The following COL7A1 variants were observed in gnomAD, a reference collection of about 807,000 sequenced individuals.
COL7A1 encodes the protein collagen type VII alpha 1 chain, also known as collagen alpha-1(VII) chain.
Under a neutral mutation model 456.2 loss-of-function variants are expected in COL7A1, and 296 were observed. The ratio of observed to expected loss-of-function variants is 0.65; its 90% confidence interval spans 0.59 to 0.71. COL7A1 has a LOEUF of 0.71. Among genes scored for constraint, COL7A1 ranks in the 30% least tolerant of loss-of-function variants. The pLI is 0.00. For synonymous variants in COL7A1, 1,464 were observed against 1,525.9 expected (o/e 0.96, Z 0.95); for missense variants, 3,441 against 4,017.2 (o/e 0.86, Z 3.88).
chr3:48,576,028 C>G, intron 71 of COL7A1, 126 bp from the exon 72 acceptor site: 6 of 1,513,212 alleles, frequency 4.0e-6, no homozygotes, highest in Non-Finnish European at 5.5e-6. Flanking sequence ...CACCCTTTAG[C>G]ACTTGGTTGA....
Position 48,580,307 on chromosome 3 carries a change from C to G in COL7A1, c.5090G>C (p.Gly1697Ala). Residue 1697 changes from glycine to alanine, a missense_variant, in exon 56 of 119, where the codon GGG (glycine) becomes GCG (alanine). Gly to Ala is a moderately conservative substitution (Grantham distance 60, BLOSUM62 0). Coordinates refer to ENST00000681320, the MANE Select transcript of COL7A1 (RefSeq NM_000094.4). This position sits in a 1 kb window ranked among gnomAD's most constrained non-coding sequence, Gnocchi z 4.5. Reference sequence around the variant, plus strand: ...GACACCAGCCCTACTCACCGGCTCCCCACGGTCACCCTTGGGTCCAGATGA... The same window carrying G: ...GACACCAGCCCTACTCACCGGCTCCGCACGGTCACCCTTGGGTCCAGATGA... Reference protein sequence around the residue: ...PGSSGPKGDRGEPGPPGPPGR... With the variant: ...PGSSGPKGDRAEPGPPGPPGR... The G allele has an allele frequency of 6.2e-7, 1 of 1,610,382 alleles. No homozygotes were observed. Among genetic ancestry groups the G allele is most frequent in the Non-Finnish European group, 8.5e-7 (1 of 1,178,328 alleles).
Position 48,574,629 on chromosome 3 carries a change from C to T in COL7A1, c.6393+48G>A, listed in dbSNP as rs754865301. On this transcript the variant is annotated intron_variant, in intron 78 of 118. Coordinates refer to ENST00000681320, the MANE Select transcript of COL7A1 (RefSeq NM_000094.4). This position sits in a 1 kb window ranked among gnomAD's most constrained non-coding sequence, Gnocchi z 5.0. ...GCATATGCACACCACCTCTAGTGTGCCCCCAGAAAGGAGGGGGACTCTATG... is the reference window on the plus strand; with the variant it reads ...GCATATGCACACCACCTCTAGTGTGTCCCCAGAAAGGAGGGGGACTCTATG... The T allele has an allele frequency of 1.2e-6, 2 of 1,613,692 alleles. No homozygotes were observed. The highest frequency in any genetic ancestry group is 1.3e-5 in the African/African-American group (1 of 74,908).
In COL7A1 at chr3:48,591,443, T is replaced by C; in HGVS notation, c.1636+21A>G. 2 of 1,610,980 alleles carry C rather than the reference T, an allele frequency of 1.2e-6. No individual in the cohort carries two copies. Among genetic ancestry groups the C allele is most frequent in the South Asian group, 1.1e-5 (1 of 90,964 alleles). ...GGAACTTCAGTGTGTGTGGTGGGGGTGCTGGCTGCGTCCACCTCACCCTGG... is the reference window on the plus strand; with the variant it reads ...GGAACTTCAGTGTGTGTGGTGGGGGCGCTGGCTGCGTCCACCTCACCCTGG... On this transcript the variant is annotated intron_variant, in intron 13 of 118. Coordinates refer to ENST00000681320, the MANE Select transcript of COL7A1 (RefSeq NM_000094.4). This position sits in a 1 kb window ranked among gnomAD's most constrained non-coding sequence, Gnocchi z 7.0.
At chr3:48,589,034 CAG>C (rs772309603) in intron 18 of COL7A1, 39 bp from the exon 19 acceptor site, 8 of 1,612,678 alleles carry the variant, frequency 5.0e-6, no homozygotes, top group Middle Eastern at 1.7e-4. Context: ...TGGTAGAGAA[CAG>C]AGAGGCAGTG....
chr3:48,571,559 A>G lies in COL7A1; in HGVS notation c.7069-281T>C. The G allele has an allele frequency of 1.5e-6, 1 of 686,952 alleles. No individual in the cohort carries two copies. The highest frequency in any genetic ancestry group is 2.7e-6 in the Non-Finnish European group (1 of 366,174). The allele number at this position is 686,952 out of a possible 1,614,324, so 42.6% of individuals were successfully genotyped here. On this transcript the variant is annotated intron_variant, in intron 92 of 118. Transcript: ENST00000681320. The surrounding 1 kb of genome is among the most constrained non-coding windows in gnomAD (Gnocchi z 4.6). ...CGCGAGTGCAGACATCTGGCTCCAC[A>G]GACGTGAGTGCGGACACACGGGCGC...
rs540516236 is a variant in COL7A1 at position 48,567,785 on chromosome 3, G to A, written c.7930-22C>T. The A allele has an allele frequency of 1.9e-6, 3 of 1,614,172 alleles. No individual in the cohort carries two copies. The highest frequency in any genetic ancestry group is 2.5e-6 in the Non-Finnish European group (3 of 1,180,028). ...CTCCCTGCAGGCATCAGGCAGTGGG[G>A]TGAGCCTTAGGCCCCAGGCCACGTA... is the stretch of plus-strand genomic sequence containing the variant. On this transcript the variant is annotated intron_variant, in intron 107 of 118. Coordinates refer to ENST00000681320, the MANE Select transcript of COL7A1 (RefSeq NM_000094.4). This position sits in a 1 kb window ranked among gnomAD's most constrained non-coding sequence, Gnocchi z 4.3.
chr3:48,568,797 A>C lies in COL7A1; in HGVS notation c.7745T>G (p.Leu2582Arg), dbSNP rs760755454. 1 of 1,570,758 alleles carries C rather than the reference A, an allele frequency of 6.4e-7. No homozygotes were observed. The highest frequency in any genetic ancestry group is 1.2e-5 in the South Asian group (1 of 85,612). The change falls in exon 104 of 119, where the codon CTC becomes CGC. Residue 2582 changes from leucine to arginine, a missense_variant. Coordinates refer to ENST00000681320, the MANE Select transcript of COL7A1 (RefSeq NM_000094.4). This position sits in a 1 kb window ranked among gnomAD's most constrained non-coding sequence, Gnocchi z 5.2. ...GGCAGAACTTGCCTGGGGTCCCAGG[A>C]GTCCACGCAGTCCTGGCAACCCGGC... ...GSAGLPGLRG[L>R]LGPQGQPGAA... is the part of the protein sequence containing the mutation.
At position 48,581,448 on chromosome 3, in the gene COL7A1, T is replaced by TG. The variant is rs2044751948; in HGVS notation, c.4817dup (p.Gly1607ArgfsTer2). 1.9e-6 allele frequency: 3 copies of TG among 1,613,814 alleles called. No homozygotes were observed. Among genetic ancestry groups the TG allele is most frequent in the Non-Finnish European group, 2.5e-6 (3 of 1,179,988 alleles). On this transcript the variant is annotated frameshift_variant and splice_region_variant, in exon 51 of 119. Coordinates refer to ENST00000681320, the MANE Select transcript of COL7A1 (RefSeq NM_000094.4). LOFTEE classifies it high-confidence loss of function. The surrounding 1 kb of genome is among the most constrained non-coding windows in gnomAD (Gnocchi z 5.8). ...GTTGCCCAGGGTAACGGGTACTCAC[T>TG]GGGGGTCCTGCTCTGCCAGTAAGGC...
rs143307229 is a variant in COL7A1, at chr3:48,575,679, G to A, written c.5926C>T (p.Arg1976Trp). Residue 1976 changes from arginine to tryptophan, a missense_variant, in exon 73 of 119, where the codon CGG (arginine) becomes TGG (tryptophan). Arg to Trp is a moderately radical substitution (Grantham distance 101, BLOSUM62 -3). Coordinates refer to ENST00000681320, the MANE Select transcript of COL7A1 (RefSeq NM_000094.4). This position sits in a 1 kb window ranked among gnomAD's most constrained non-coding sequence, Gnocchi z 6.3. ...SSGSFLPVPERRRGPKGDSGE... is the reference protein window; with the variant it reads ...SSGSFLPVPEWRRGPKGDSGE... ...GAGTCCCCCTTGGGGCCTCGACGCC[G>A]TTCGGGCACAGGCAGGAAGCTACCA... is the stretch of plus-strand genomic sequence containing the variant. The A allele has an allele frequency of 9.2e-5, 148 of 1,613,658 alleles. No individual in the cohort carries two copies. The highest frequency in any genetic ancestry group is 3.2e-4 in the Admixed American group (19 of 60,026).
Position 48,579,398 on chromosome 3 carries a change from G to A in COL7A1, c.5278C>T (p.Pro1760Ser). The A allele has an allele frequency of 3.1e-6, 5 of 1,614,152 alleles. No individual in the cohort carries two copies. The highest frequency in any genetic ancestry group is 4.2e-6 in the Non-Finnish European group (5 of 1,180,026). Residue 1760 changes from proline to serine, a missense_variant, in exon 61 of 119, where the codon CCA becomes TCA. By Grantham distance (74) the Pro-to-Ser change is moderately conservative. Coordinates refer to ENST00000681320, the MANE Select transcript of COL7A1 (RefSeq NM_000094.4). The surrounding 1 kb of genome is among the most constrained non-coding windows in gnomAD (Gnocchi z 4.4). ...FRGPPGPQGD[P>S]GVRGPAGEKG... is the part of the protein sequence containing the mutation. ...TCTCCTGCTGGGCCTCGGACACCTG[G>A]GTCCCCCTGGAGGGAACAGGGTCAG...
rs1311575300 is a variant in COL7A1, at chr3:48,590,718, C to G, written c.1735G>C (p.Val579Leu). 1.2e-5 allele frequency: 20 copies of G among 1,613,936 alleles called. No individual in the cohort carries two copies. The highest frequency in any genetic ancestry group is 1.5e-5 in the Non-Finnish European group (18 of 1,180,048). Residue 579 changes from valine to leucine, a missense_variant, in exon 14 of 119, where the codon GTG (valine) becomes CTG (leucine). Physicochemically the swap from Val to Leu is conservative, Grantham distance 32. Coordinates refer to ENST00000681320, the MANE Select transcript of COL7A1 (RefSeq NM_000094.4). This position sits in a 1 kb window ranked among gnomAD's most constrained non-coding sequence, Gnocchi z 4.6. Reference sequence around the variant, plus strand: ...CTGGCACTGCCCTCACGGGGACCCACTCGAGCAGACACCCGCACAGTGTAG... The same window carrying G: ...CTGGCACTGCCCTCACGGGGACCCAGTCGAGCAGACACCCGCACAGTGTAG... Reference protein sequence around the residue: ...LSYTVRVSARVGPREGSASVL... With the variant: ...LSYTVRVSARLGPREGSASVL...
Position 48,583,919 on chromosome 3 carries a change from G to A in COL7A1, c.4259C>T (p.Pro1420Leu), listed in dbSNP as rs749913529. 2 of 1,613,976 alleles carry A rather than the reference G, an allele frequency of 1.2e-6. No homozygotes were observed. The highest frequency in any genetic ancestry group is 1.1e-5 in the South Asian group (1 of 91,084). ...PPGPGEGGIA[P>L]GEPGLPGLPG... Reference sequence around the variant, plus strand: ...CCTCACCGGCAGCCCAGGCTCCCCAGGAGCAATGCCACCTTCACCTGGTCC... The same window carrying A: ...CCTCACCGGCAGCCCAGGCTCCCCAAGAGCAATGCCACCTTCACCTGGTCC... The change falls in exon 39 of 119, where the codon CCT becomes CTT. Residue 1420 changes from proline (P) to leucine (L), a missense_variant. Transcript: ENST00000681320. This position sits in a 1 kb window ranked among gnomAD's most constrained non-coding sequence, Gnocchi z 5.1.
chr3:48,584,135 A>C, intron 37 of COL7A1, 74 bp from the exon 38 acceptor site: 2 of 1,611,524 alleles, frequency 1.2e-6, no homozygotes, highest in Non-Finnish European at 1.7e-6. Flanking sequence ...GATGAGGGTC[A>C]TGGGGTCCAA....
At position 48,572,436 on chromosome 3, in the gene COL7A1, A is replaced by G. The variant is rs2043990350; in HGVS notation, c.6937-15T>C. ...CCAGGGGCTCCCTGGTAAGGGGGAGAGGTCAGTGGGATTCCTTGGCCCCCA... is the reference window on the plus strand; with the variant it reads ...CCAGGGGCTCCCTGGTAAGGGGGAGGGGTCAGTGGGATTCCTTGGCCCCCA... On this transcript the variant is annotated splice_polypyrimidine_tract_variant and intron_variant, in intron 89 of 118. Transcript: ENST00000681320. This position sits in a 1 kb window ranked among gnomAD's most constrained non-coding sequence, Gnocchi z 4.6. 1 of 1,613,712 alleles carries G rather than the reference A, an allele frequency of 6.2e-7. No homozygotes were observed. Among genetic ancestry groups the G allele is most frequent in the African/African-American group, 1.3e-5 (1 of 74,784 alleles).
At position 48,593,344 on chromosome 3, in the gene COL7A1, C is replaced by G. The variant is rs1175553586; in HGVS notation, c.520+12G>C. Reference sequence around the variant, plus strand: ...CCCCCCAGCTGACCTGTCACTCCTGCTCGGTCCTTACCCACAGCAAATAGC... The same window carrying G: ...CCCCCCAGCTGACCTGTCACTCCTGGTCGGTCCTTACCCACAGCAAATAGC... On this transcript the variant is annotated intron_variant, in intron 5 of 118. Transcript: ENST00000681320. The surrounding 1 kb of genome is among the most constrained non-coding windows in gnomAD (Gnocchi z 4.4). 3 of 1,614,058 alleles carry G rather than the reference C, an allele frequency of 1.9e-6. No individual in the cohort carries two copies.
chr3:48,580,687 C>T lies in COL7A1; in HGVS notation c.4981-35G>A. 2 of 1,611,246 alleles carry T rather than the reference C, an allele frequency of 1.2e-6. No individual in the cohort carries two copies. Among genetic ancestry groups the T allele is most frequent in the African/African-American group, 1.3e-5 (1 of 74,850 alleles). On this transcript the variant is annotated intron_variant, in intron 54 of 118. Coordinates refer to ENST00000681320, the MANE Select transcript of COL7A1 (RefSeq NM_000094.4). This position sits in a 1 kb window ranked among gnomAD's most constrained non-coding sequence, Gnocchi z 4.5. The stretch of plus-strand genomic sequence containing the variant: ...GCAGCTGGCCTGAGACAGACCCTCC[C>T]AATATTTTGCAGGTGCCCCTATGAC...
rs1013571007 is a variant in COL7A1 at position 48,578,786 on chromosome 3, G to A, written c.5424+133C>T. On this transcript the variant is annotated intron_variant, in intron 63 of 118. Transcript: ENST00000681320. This position sits in a 1 kb window ranked among gnomAD's most constrained non-coding sequence, Gnocchi z 4.7. ...GGATTCTACTAAAACCTGTGTGCCAGGGACTGAGACCCTCCCAAAGGCAAG... is the reference window on the plus strand; with the variant it reads ...GGATTCTACTAAAACCTGTGTGCCAAGGACTGAGACCCTCCCAAAGGCAAG... 2.7e-5 allele frequency: 25 copies of A among 941,886 alleles called. No homozygotes were observed. Among genetic ancestry groups the A allele is most frequent in the Non-Finnish European group, 3.3e-5 (21 of 639,988 alleles). The allele number at this position is 941,886 out of a possible 1,614,324, so 58.3% of individuals were successfully genotyped here.
rs2107704574 is a variant in COL7A1, at chr3:48,580,291, C to A, written c.5097+9G>T. ...TCCCTTCTGAGCCCAGGACACCAGC[C>A]CTACTCACCGGCTCCCCACGGTCAC... is the stretch of plus-strand genomic sequence containing the variant. On this transcript the variant is annotated intron_variant, in intron 56 of 118. Coordinates refer to ENST00000681320, the MANE Select transcript of COL7A1 (RefSeq NM_000094.4). This position sits in a 1 kb window ranked among gnomAD's most constrained non-coding sequence, Gnocchi z 4.5. The A allele has an allele frequency of 1.2e-6, 2 of 1,609,648 alleles. No individual in the cohort carries two copies. The highest frequency in any genetic ancestry group is 1.7e-6 in the Non-Finnish European group (2 of 1,177,980).
rs201093706 is a variant in COL7A1 at position 48,572,458 on chromosome 3, C to A, written c.6937-37G>T. The A allele has an allele frequency of 1.2e-6, 2 of 1,613,934 alleles. No individual in the cohort carries two copies. Among genetic ancestry groups the A allele is most frequent in the Non-Finnish European group, 1.7e-6 (2 of 1,179,928 alleles). On this transcript the variant is annotated intron_variant, in intron 89 of 118. Transcript: ENST00000681320. The surrounding 1 kb of genome is among the most constrained non-coding windows in gnomAD (Gnocchi z 4.6). ...GAGAGGTCAGTGGGATTCCTTGGCC[C>A]CCACCAGTTGACCCCCCCTCACTGG...
Sources: allele counts gnomAD v4.1 joint callset, GRCh38; gene constraint gnomAD v4.1.1; non-coding constraint Gnocchi (gnomAD v3.1); transcripts MANE v1.5; gene names NCBI Gene and HGNC (gene_info 2026-07-23, HGNC 2026-07-21).